IFNGR1: variants seen among roughly 807,000 people sequenced by gnomAD.
The protein encoded by IFNGR1 is interferon gamma receptor 1, also known as AVP, type 2.
In IFNGR1, 23 loss-of-function variants were observed where a neutral mutation model predicts 35.4. The observed-to-expected ratio is 0.65, with a 90% CI of 0.47 to 0.92. IFNGR1 has a LOEUF of 0.92. Among genes scored for constraint, IFNGR1 ranks in the 40% least tolerant of loss-of-function variants. The pLI is 0.00. For synonymous variants in IFNGR1, 199 were observed against 209.5 expected (o/e 0.95, Z 0.43); for missense variants, 533 against 583.4 (o/e 0.91, Z 0.89).
intron 5 of IFNGR1, among the ~76,000 whole-genome samples, chr6:137,202,770 G>C (rs998980633): frequency 6.6e-6 from 1 of 151,726 alleles, no homozygotes; most frequent in African/African-American, 2.4e-5. Context: ...TGAATAATGG[G>C]GTATTTTTGC....
chr6:137,218,900 T>A (rs528254606), intron 1 of IFNGR1: 9 of 420,236 alleles, frequency 2.1e-5, no homozygotes, highest in African/African-American at 1.8e-4. Context: ...AAGAAGACGA[T>A]ATTATAATCT....
chr6:137,205,009 A>G (rs1233180185), intron 3 of IFNGR1, among the ~76,000 whole-genome samples: 1 of 152,210 alleles, frequency 6.6e-6, no homozygotes, highest in Non-Finnish European at 1.5e-5. Context: ...CCATTTATCT[A>G]GTCTTCACAT....
intron 1 of IFNGR1, among the ~76,000 whole-genome samples, chr6:137,215,108 C>T (rs1181140071): frequency 1.3e-5 from 2 of 152,164 alleles, no homozygotes; most frequent in African/African-American, 2.4e-5. Context: ...ACATCCATCC[C>T]GTGAGGGAGA....
At chr6:137,203,417 G>T in intron 5 of IFNGR1, 82 bp downstream of exon 5, 2 of 782,722 alleles carry the variant, frequency 2.6e-6, no homozygotes, top group Non-Finnish European at 2.3e-6. Flanking sequence ...TTTTGAAACT[G>T]CAAATGAGTT....
chr6:137,198,783 T>C (rs1779165282), intron 6 of IFNGR1, 144 bp from the exon 7 acceptor site: 1 of 666,892 alleles, frequency 1.5e-6, no homozygotes. Context: ...TTCTTTTTAA[T>C]GAAAGGTCCC....
intron 1 of IFNGR1, chr6:137,218,606 G>T (rs553199237): frequency 1.5e-6 from 1 of 660,386 alleles, no homozygotes; most frequent in Non-Finnish European, 2.1e-6. Flanking sequence ...CCCCACCCCC[G>T]CTAAGAAAGA....
rs749956849 is a variant in IFNGR1, at chr6:137,204,354, TA to T, written c.523del (p.Tyr175MetfsTer2). The T allele has an allele frequency of 2.0e-5, 33 of 1,613,724 alleles. No individual in the cohort carries two copies. Among genetic ancestry groups the T allele is most frequent in the Non-Finnish European group, 2.7e-5 (32 of 1,179,744 alleles). ...TACCTCACTTCCGTTCATTCTCACA[TA>T]CACATTGTACACCCTAATGTAACAG... ...TTCYIRVYNV[Y>X]VRMNGSEIQY... On this transcript the variant is annotated frameshift_variant, in exon 4 of 7. Transcript: ENST00000367739. LOFTEE classifies it high-confidence loss of function.
chr6:137,204,669 G>A (rs1045374174), intron 3 of IFNGR1, among the ~76,000 whole-genome samples, 165 bp from the exon 4 acceptor site: 7 of 151,844 alleles, frequency 4.6e-5, no homozygotes, highest in Admixed American at 3.3e-4. Flanking sequence ...AGATAGTCTC[G>A]GGGTCCTTAA....
intron 1 of IFNGR1, among the ~76,000 whole-genome samples, chr6:137,209,366 A>G (rs527997723): frequency 1.3e-5 from 2 of 152,268 alleles, no homozygotes; most frequent in East Asian, 3.9e-4. Flanking sequence ...CAGGGGTAGC[A>G]TAATATGGTT....
chr6:137,199,234 C>T (rs920579116), intron 6 of IFNGR1, among the ~76,000 whole-genome samples: 7 of 143,536 alleles, frequency 4.9e-5, no homozygotes, highest in East Asian at 4.0e-4. Flanking sequence ...GACCTCTGAT[C>T]GTGTGAGTTA....
At chr6:137,204,642 C>T in intron 3 of IFNGR1, 138 bp from the exon 4 acceptor site, 1 of 729,746 alleles carries the variant, frequency 1.4e-6, no homozygotes, top group Non-Finnish European at 2.4e-6. Flanking sequence ...ATTTAAACCA[C>T]TCCACAAATA....
At chr6:137,206,778 G>A (rs1199251914) in intron 2 of IFNGR1, 185 bp downstream of exon 2, 1 of 599,878 alleles carries the variant, frequency 1.7e-6, no homozygotes, top group East Asian at 2.8e-5. Context: ...ATACTGATAA[G>A]GAAGAGGAAA....
intron 4 of IFNGR1, 90 bp downstream of exon 4, chr6:137,204,242 A>G (rs1167498970): frequency 1.4e-5 from 15 of 1,072,928 alleles, no homozygotes; most frequent in Admixed American, 3.4e-5. Context: ...TTGAATATTT[A>G]TAAGCATCCT....
At position 137,204,397 on chromosome 6, in the gene IFNGR1, A is replaced by G. The variant is rs771401076; in HGVS notation, c.481T>C (p.Tyr161His). ...FVNGDEQEVD[Y>H]DPETTCYIRV... Reference sequence around the variant, plus strand: ...ATGTAACAGGTAGTTTCGGGATCATAATCGACTTCCTGCTCGTCTCCATTT... The same window carrying G: ...ATGTAACAGGTAGTTTCGGGATCATGATCGACTTCCTGCTCGTCTCCATTT... The change falls in exon 4 of 7, where the codon TAT becomes CAT. Residue 161 changes from tyrosine (Y) to histidine (H), a missense_variant. By Grantham distance (83) the Tyr-to-His change is moderately conservative. Transcript: ENST00000367739. 3 of 1,613,852 alleles carry G rather than the reference A, an allele frequency of 1.9e-6. No homozygotes were observed. In the South Asian group the frequency reaches 3.3e-5, roughly 18 times the overall value.
intron 1 of IFNGR1, among the ~76,000 whole-genome samples, chr6:137,213,813 G>A (rs575294916): frequency 1.3e-5 from 2 of 152,310 alleles, no homozygotes; most frequent in African/African-American, 4.8e-5. Flanking sequence ...CAGGAACCAG[G>A]GCTGCTACCT....
At chr6:137,202,503 T>C (rs1376107676) in intron 5 of IFNGR1, among the ~76,000 whole-genome samples, 1 of 152,142 alleles carries the variant, frequency 6.6e-6, no homozygotes, top group East Asian at 1.9e-4. Flanking sequence ...TTCTGGCTCT[T>C]CAGCCTATAT....
intron 5 of IFNGR1, among the ~76,000 whole-genome samples, chr6:137,201,748 A>G (rs995514584): frequency 6.6e-6 from 1 of 152,024 alleles, no homozygotes; most frequent in Non-Finnish European, 1.5e-5. Flanking sequence ...ATTTAGCCCC[A>G]CTCCTCAGAA....
chr6:137,214,756 CT>C (rs1236476167), intron 1 of IFNGR1, among the ~76,000 whole-genome samples: 1 of 152,188 alleles, frequency 6.6e-6, no homozygotes, highest in Non-Finnish European at 1.5e-5. Context: ...CACTAATTCT[CT>C]TTTGGACTAA....
chr6:137,208,420 G>A (rs1562287854), intron 1 of IFNGR1, among the ~76,000 whole-genome samples: 1 of 152,312 alleles, frequency 6.6e-6, no homozygotes, highest in South Asian at 2.1e-4. Flanking sequence ...TCACGCCAGC[G>A]CTTCCCATCA....
Sources: gnomAD v4.1 joint callset for allele counts (sites outside exome capture counted in the v4.1 genomes callset) on GRCh38, gnomAD v4.1.1 for gene constraint, MANE v1.5 for transcripts, NCBI Gene and HGNC (gene_info 2026-07-23, HGNC 2026-07-21) for gene names.